IGF2BP3: variants seen among roughly 807,000 people sequenced by gnomAD.
IGF2BP3 encodes insulin like growth factor 2 mRNA binding protein 3, also known as insulin-like growth factor 2 mRNA-binding protein 3.
A neutral mutation model predicts 73.8 loss-of-function variants in IGF2BP3; 9 were observed. The ratio of observed to expected loss-of-function variants is 0.12; its 90% confidence interval spans 0.07 to 0.21. The LOEUF (loss-of-function observed/expected upper bound fraction) is 0.21. Among genes scored for constraint, IGF2BP3 ranks in the 10% least tolerant of loss-of-function variants. The probability of loss-of-function intolerance (pLI) is 1.00; values close to 1 mark genes in which losing one functional copy is unlikely to be tolerated. For synonymous variants in IGF2BP3, 258 were observed against 256.7 expected, an observed-to-expected ratio of 1.01 and a Z score of -0.05; for missense variants, 542 against 714.0, an observed-to-expected ratio of 0.76 and a Z score of 2.75.
Position 23,470,128 on chromosome 7 carries a change from T to A in IGF2BP3, c.-18A>T. On this transcript the variant is annotated 5_prime_UTR_variant, in exon 1 of 15. Coordinates refer to ENST00000258729, the MANE Select transcript of IGF2BP3 (RefSeq NM_006547.3). ...TTGTTCATTGTGAAGAGTGGTTGTT[T>A]AAAAAAAAATAACGAGAAAAAACGA... is the stretch of plus-strand genomic sequence containing the variant. 2.6e-6 allele frequency: 4 copies of A among 1,542,746 alleles called. No homozygotes were observed. The highest frequency in any genetic ancestry group is 1.2e-5 in the South Asian group (1 of 83,188).
intron 9 of IGF2BP3, among the ~76,000 whole-genome samples, chr7:23,342,544 G>A (rs1784738175): frequency 6.6e-6 from 1 of 152,150 alleles, no homozygotes; most frequent in African/African-American, 2.4e-5. Flanking sequence ...CAGAGTTGAA[G>A]AGGTAATCAA....
intron 12 of IGF2BP3, among the ~76,000 whole-genome samples, chr7:23,315,414 C>T (rs531803027): frequency 6.6e-6 from 1 of 152,214 alleles, no homozygotes; most frequent in African/African-American, 2.4e-5. Flanking sequence ...GGCCAAGACA[C>T]TTCTGATATT....
rs764881846 is a variant in IGF2BP3 at position 23,468,484 on chromosome 7, T to G, written c.234A>C (p.Gln78His). The change falls in exon 2 of 15, where the codon CAA becomes CAC. Residue 78 changes from glutamine (Q) to histidine (H), a missense_variant and splice_region_variant. This residue lies in a region of IGF2BP3 where 239 missense variants were observed against 241.9 expected (regional missense o/e 0.99). Coordinates refer to ENST00000258729, the MANE Select transcript of IGF2BP3 (RefSeq NM_006547.3). Reference protein sequence around the residue: ...IEVEHSVPKRQRIRKLQIRNI... With the variant: ...IEVEHSVPKRHRIRKLQIRNI... ...GGCAAACAGAAGCAGCAGCTCACCT[T>G]TGCCTTTTTGGGACCGAGTGCTCAA... 6.2e-6 allele frequency: 10 copies of G among 1,614,180 alleles called. No individual in the cohort carries two copies. The South Asian group carries it at 9.9e-5, about 16-fold the overall frequency.
chr7:23,470,302 G>C lies in IGF2BP3; in HGVS notation c.-192C>G, dbSNP rs547982429. Reference sequence around the variant, plus strand: ...CCGAGGCTTGTTTTTTCCTTGTCTAGATGTGTTTTAAAAGAGAAAGAAAAG... The same window carrying C: ...CCGAGGCTTGTTTTTTCCTTGTCTACATGTGTTTTAAAAGAGAAAGAAAAG... On this transcript the variant is annotated 5_prime_UTR_variant, in exon 1 of 15. The change creates a new upstream start codon in the 5' untranslated region. Transcript: ENST00000258729. The C allele has an allele frequency of 4.3e-6, 2 of 463,688 alleles. No homozygotes were observed. Among genetic ancestry groups the C allele is most frequent in the Non-Finnish European group, 7.6e-6 (2 of 263,054 alleles). 28.7% of individuals were successfully genotyped at this position (463,688 alleles called of 1,614,324 possible). A position where few individuals can be genotyped will look rare whatever the true frequency, so the allele number is the denominator to read the frequency against.
intron 3 of IGF2BP3, among the ~76,000 whole-genome samples, chr7:23,397,504 C>T (rs1786514611): frequency 6.6e-6 from 1 of 152,180 alleles, no homozygotes; most frequent in African/African-American, 2.4e-5. Context: ...CCAACACATG[C>T]CTCCTTCTAT....
intron 3 of IGF2BP3, among the ~76,000 whole-genome samples, chr7:23,409,868 ATTAAAAT>A (rs1431749118): frequency 6.6e-6 from 1 of 152,214 alleles, no homozygotes; most frequent in Non-Finnish European, 1.5e-5. Flanking sequence ...ACTGAACTTC[ATTAAAAT>A]TTAAAACTTT....
At chr7:23,467,741 T>C (rs1788600701) in intron 2 of IGF2BP3, 1 of 152,362 alleles carries the variant, frequency 6.6e-6, no homozygotes, top group Admixed American at 6.5e-5. Flanking sequence ...AAACAGTCTA[T>C]AAACATTCTG....
At chr7:23,439,961 T>C (rs1024667956) in intron 2 of IGF2BP3, among the ~76,000 whole-genome samples, 2 of 152,136 alleles carry the variant, frequency 1.3e-5, no homozygotes, top group African/African-American at 4.8e-5. Context: ...CTTCTATCTC[T>C]TTTTTGAAAG....
chr7:23,424,340 A>C (rs1787438375), intron 2 of IGF2BP3, among the ~76,000 whole-genome samples: 1 of 151,898 alleles, frequency 6.6e-6, no homozygotes, highest in Admixed American at 6.6e-5. Flanking sequence ...TCTACTAAAA[A>C]TACAAAAATT....
chr7:23,356,836 T>C (rs1257667193), intron 5 of IGF2BP3, among the ~76,000 whole-genome samples: 1 of 151,802 alleles, frequency 6.6e-6, no homozygotes, highest in Non-Finnish European at 1.5e-5. Context: ...ACTAAATTGG[T>C]TCTAAAAACA....
chr7:23,331,123 G>C (rs1387859547), intron 10 of IGF2BP3, among the ~76,000 whole-genome samples: 1 of 152,110 alleles, frequency 6.6e-6, no homozygotes, highest in Non-Finnish European at 1.5e-5. Flanking sequence ...AAAAGTGAAA[G>C]GCATGATTTA....
Position 23,418,874 on chromosome 7 carries a change from A to T in IGF2BP3, c.237-50T>A, listed in dbSNP as rs1437788135. On this transcript the variant is annotated intron_variant, in intron 2 of 14. Coordinates refer to ENST00000258729, the MANE Select transcript of IGF2BP3 (RefSeq NM_006547.3). ...TAAAAGAAAAAAACATAAAAGCAAA[A>T]CAATAATAGCCAACATGGAAGTTTA... 2.5e-6 allele frequency: 3 copies of T among 1,193,418 alleles called. No individual in the cohort carries two copies. The East Asian group carries it at 7.6e-5, about 30-fold the overall frequency. The allele number at this position is 1,193,418 out of a possible 1,614,324, so 73.9% of individuals were successfully genotyped here.
chr7:23,455,970 C>G (rs1267022815), intron 2 of IGF2BP3, among the ~76,000 whole-genome samples: 1 of 152,178 alleles, frequency 6.6e-6, no homozygotes, highest in Non-Finnish European at 1.5e-5. Context: ...CAGGCATGAG[C>G]CACTGCGCCC....
chr7:23,381,618 C>G (rs6461709), intron 3 of IGF2BP3, among the ~76,000 whole-genome samples: 49,714 of 151,890 alleles, frequency 0.33, 13,224 homozygotes, highest in African/African-American at 0.74. Flanking sequence ...ACCCAGGCTG[C>G]AGTGCAGTGG....
intron 12 of IGF2BP3, among the ~76,000 whole-genome samples, chr7:23,315,532 T>G (rs1371835147): frequency 6.6e-6 from 1 of 152,204 alleles, no homozygotes; most frequent in Admixed American, 6.5e-5. Context: ...GAGAGTTGGT[T>G]TGACAAGCTG....
At chr7:23,346,156 T>C in intron 7 of IGF2BP3, 94 bp from the exon 8 acceptor site, 2 of 1,387,382 alleles carry the variant, frequency 1.4e-6, no homozygotes, top group Non-Finnish European at 2.0e-6. Context: ...ACTTCCTACC[T>C]ACCATCTGGG....
At chr7:23,360,457 T>G (rs1785197714) in intron 5 of IGF2BP3, among the ~76,000 whole-genome samples, 1 of 152,240 alleles carries the variant, frequency 6.6e-6, no homozygotes, top group Non-Finnish European at 1.5e-5. Flanking sequence ...TTCCACATGG[T>G]TATCTCCCAA....
intron 3 of IGF2BP3, chr7:23,414,302 T>A (rs1181279133): frequency 1.3e-5 from 2 of 152,198 alleles, no homozygotes; most frequent in Non-Finnish European, 2.9e-5. Flanking sequence ...AGATATGCGG[T>A]CCAGAGAACT....
chr7:23,342,858 A>G (rs1442962908), intron 9 of IGF2BP3, among the ~76,000 whole-genome samples: 2 of 152,222 alleles, frequency 1.3e-5, no homozygotes, highest in East Asian at 3.8e-4. Context: ...AGTTGATTCC[A>G]GAACATTTGG....
Sources: allele counts gnomAD v4.1 joint callset (sites outside exome capture counted in the v4.1 genomes callset), GRCh38; gene constraint gnomAD v4.1.1; regional missense constraint gnomAD v4.1.1; transcripts MANE v1.5; gene names NCBI Gene and HGNC (gene_info 2026-07-23, HGNC 2026-07-21).